The following GRIK2 variants were observed in gnomAD, a reference collection of about 807,000 sequenced individuals.
GRIK2 encodes glutamate receptor ionotropic, kainate 2.
Under a neutral mutation model 100.3 loss-of-function variants are expected in GRIK2, and 32 were observed. The ratio of observed to expected loss-of-function variants is 0.32; its 90% CI spans 0.24 to 0.43. The LOEUF (loss-of-function observed/expected upper bound fraction) is 0.43, where lower values mean the gene tolerates loss of function less well. GRIK2 is among the 20% of genes least tolerant of loss of function. The pLI, the probability that GRIK2 is intolerant of heterozygous loss-of-function variation, is 1.00. For missense variants in GRIK2, 843 were observed against 1,114.9 expected (o/e 0.76, Z 3.47); for synonymous variants, 417 against 389.4 (o/e 1.07, Z -0.83).
At chr6:101,487,877 C>G (rs1489679876) in intron 2 of GRIK2, among the ~76,000 whole-genome samples, 1 of 146,064 alleles carries the variant, frequency 6.8e-6, no homozygotes, top group Non-Finnish European at 1.5e-5. Flanking sequence ...CATAGAAAAT[C>G]ACACATTAAC....
chr6:101,905,036 C>T (rs752611624), intron 12 of GRIK2, among the ~76,000 whole-genome samples: 2 of 151,386 alleles, frequency 1.3e-5, no homozygotes, highest in East Asian at 1.9e-4. Flanking sequence ...CAAGAAATGA[C>T]AATTATTAAT....
At chr6:101,846,090 T>A (rs1783795746) in intron 10 of GRIK2, among the ~76,000 whole-genome samples, 1 of 152,108 alleles carries the variant, frequency 6.6e-6, no homozygotes, top group Non-Finnish European at 1.5e-5. Flanking sequence ...TTCACAATAT[T>A]TTCTCCCATT....
intron 2 of GRIK2, among the ~76,000 whole-genome samples, chr6:101,495,424 T>C (rs1773390719): frequency 6.6e-6 from 1 of 152,132 alleles, no homozygotes; most frequent in African/African-American, 2.4e-5. Context: ...GAGAATGGCG[T>C]GAACCAGGGA....
intron 2 of GRIK2, among the ~76,000 whole-genome samples, chr6:101,439,051 G>A (rs1769895850): frequency 6.6e-6 from 1 of 152,140 alleles, no homozygotes; most frequent in Non-Finnish European, 1.5e-5. Context: ...ATGTAAAATA[G>A]GCTACATAGA....
intron 10 of GRIK2, among the ~76,000 whole-genome samples, chr6:101,820,529 TCCACCTC>T (rs1370453183): frequency 1.3e-5 from 2 of 152,160 alleles, no homozygotes; most frequent in Non-Finnish European, 2.9e-5. Context: ...CACTGCAAAC[TCCACCTC>T]CCAGGTTCAA....
At chr6:101,535,259 G>A (rs886861715) in intron 2 of GRIK2, among the ~76,000 whole-genome samples, 1 of 151,700 alleles carries the variant, frequency 6.6e-6, no homozygotes, top group African/African-American at 2.4e-5. Flanking sequence ...TCTAAATCTT[G>A]GCTAGAAATG....
At chr6:101,930,888 C>A (rs1006008667) in intron 14 of GRIK2, among the ~76,000 whole-genome samples, 5 of 152,078 alleles carry the variant, frequency 3.3e-5, no homozygotes, top group South Asian at 2.1e-4. Context: ...GTCGACACGA[C>A]ACAGCTTTCT....
chr6:101,584,646 G>A (rs571893238), intron 2 of GRIK2, among the ~76,000 whole-genome samples: 14 of 152,036 alleles, frequency 9.2e-5, no homozygotes, highest in African/African-American at 3.1e-4. Context: ...CTTCTGTACT[G>A]TACAATTGTT....
At chr6:101,493,782 A>G (rs1773265806) in intron 2 of GRIK2, among the ~76,000 whole-genome samples, 1 of 151,152 alleles carries the variant, frequency 6.6e-6, no homozygotes, top group African/African-American at 2.4e-5. Flanking sequence ...TTTTACTTTA[A>G]TTATTTTTCA....
At chr6:101,418,978 A>G (rs1776284548) in intron 2 of GRIK2, among the ~76,000 whole-genome samples, 1 of 152,180 alleles carries the variant, frequency 6.6e-6, no homozygotes, top group African/African-American at 2.4e-5. Flanking sequence ...TATAATGTCT[A>G]CATGACTTCC....
chr6:101,743,855 G>A lies in GRIK2; in HGVS notation c.952-55793G>A, dbSNP rs569121808. Among the ~76,000 whole-genome samples, 22 of 152,250 alleles carry A rather than the reference G, an allele frequency of 1.4e-4. 1 individual carries two copies. The highest frequency in any genetic ancestry group is 5.3e-4 in the African/African-American group (22 of 41,560). ...TTAATAGGTTTTTTGGGAACAGGTGGTATTTAGTTAAATGAACAAGTTCTT... is the reference window on the plus strand; with the variant it reads ...TTAATAGGTTTTTTGGGAACAGGTGATATTTAGTTAAATGAACAAGTTCTT... On this transcript the variant is annotated intron_variant, in intron 7 of 16. Transcript: ENST00000369134.
intron 2 of GRIK2, among the ~76,000 whole-genome samples, chr6:101,551,008 T>C (rs922738633): frequency 6.6e-5 from 10 of 152,310 alleles, no homozygotes; most frequent in African/African-American, 2.4e-4. Flanking sequence ...GATGACCTAA[T>C]GGAGCCTCAG....
chr6:101,539,213 C>T (rs2207958), intron 2 of GRIK2, among the ~76,000 whole-genome samples: 51,271 of 151,452 alleles, frequency 0.34, 8,967 homozygotes, highest in South Asian at 0.46. Context: ...GCAAATTTTA[C>T]CTTTCAGTTT....
At position 101,962,932 on chromosome 6, in the gene GRIK2, G is replaced by A. The variant is rs566710357; in HGVS notation, c.2085+34300G>A. ...TGCTATCTTTATTTTTAACCTTCCTGTATCTTTGAATATAAACTGGGTTTT... is the reference window on the plus strand; with the variant it reads ...TGCTATCTTTATTTTTAACCTTCCTATATCTTTGAATATAAACTGGGTTTT... On this transcript the variant is annotated intron_variant, in intron 14 of 16. Transcript: ENST00000369134. 6.6e-5 allele frequency among the ~76,000 whole-genome samples: 10 copies of A among 150,984 alleles called. 1 individual carries two copies. The South Asian group carries it at 2.1e-3, about 31-fold the overall frequency.
At chr6:101,868,989 A>G (rs1364414940) in intron 11 of GRIK2, among the ~76,000 whole-genome samples, 3 of 151,870 alleles carry the variant, frequency 2.0e-5, no homozygotes, top group Non-Finnish European at 4.4e-5. Flanking sequence ...ATATTTTGGG[A>G]AACATGAGGG....
intron 12 of GRIK2, among the ~76,000 whole-genome samples, chr6:101,912,654 C>T (rs912093935): frequency 4.0e-5 from 6 of 151,538 alleles, no homozygotes; most frequent in Admixed American, 6.6e-5. Context: ...AGAATTTCCA[C>T]GCCACCTCAT....
intron 4 of GRIK2, among the ~76,000 whole-genome samples, chr6:101,654,604 A>G (rs560662524): frequency 2.0e-5 from 3 of 152,282 alleles, no homozygotes; most frequent in Non-Finnish European, 4.4e-5. Context: ...AAATTTTATG[A>G]CTGGATTTAG....
intron 4 of GRIK2, among the ~76,000 whole-genome samples, chr6:101,675,135 T>C (rs1770728841): frequency 6.6e-6 from 1 of 152,096 alleles, no homozygotes; most frequent in African/African-American, 2.4e-5. Flanking sequence ...TTTCTAATTG[T>C]AACTTTGTAC....
At chr6:101,972,952 T>C (rs1205696432) in intron 14 of GRIK2, among the ~76,000 whole-genome samples, 1 of 151,994 alleles carries the variant, frequency 6.6e-6, no homozygotes, top group East Asian at 1.9e-4. Context: ...ATTGCAGCCT[T>C]ATAGTTTAGT....
Sources: allele counts gnomAD v4.1 joint callset (sites outside exome capture counted in the v4.1 genomes callset), GRCh38; gene constraint gnomAD v4.1.1; transcripts MANE v1.5; gene names NCBI Gene and HGNC (gene_info 2026-07-23, HGNC 2026-07-21).